Variants in FAT3 observed in about 807,000 individuals in gnomAD.
FAT3 encodes the protein protocadherin Fat 3.
Under a neutral mutation model 310.2 loss-of-function variants are expected in FAT3, and 95 were observed. The ratio of observed to expected loss-of-function variants is 0.31; its 90% CI spans 0.26 to 0.36. The LOEUF (loss-of-function observed/expected upper bound fraction) is 0.36. Ranked by LOEUF, FAT3 falls within the 10% of genes least tolerant of loss-of-function variation. The pLI is 1.00. For missense variants in FAT3, 5,408 were observed against 5,715.6 expected, an observed-to-expected ratio of 0.95 and a Z score of 1.74; for synonymous variants, 2,314 against 2,192.9, an observed-to-expected ratio of 1.06 and a Z score of -1.54.
At chr11:92,814,226 A>G (rs2136220984) in intron 13 of FAT3, among the ~76,000 whole-genome samples, 1 of 152,344 alleles carries the variant, frequency 6.6e-6, no homozygotes, top group South Asian at 2.1e-4. Context: ...GATTGACTAC[A>G]AAATATACCG....
At chr11:92,562,323 C>T (rs991138674) in intron 3 of FAT3, among the ~76,000 whole-genome samples, 3 of 151,964 alleles carry the variant, frequency 2.0e-5, no homozygotes, top group East Asian at 2.0e-4. Context: ...TCTTCTCTCT[C>T]TCTTTCTCTA....
In FAT3 at chr11:92,352,872, G is replaced by A; in HGVS notation, c.760G>A (p.Val254Ile). Residue 254 changes from valine to isoleucine, a missense_variant, in exon 2 of 28, where the codon GTT (valine) becomes ATT (isoleucine). Transcript: ENST00000525166. ...NGVSSTAKLY[V>I]HIERINEHAP... Reference sequence around the variant, plus strand: ...AGTGAGCAGTACTGCAAAGCTTTATGTTCACATTGAGCGCATAAATGAACA... The same window carrying A: ...AGTGAGCAGTACTGCAAAGCTTTATATTCACATTGAGCGCATAAATGAACA... 6.2e-7 allele frequency: 1 copy of A among 1,613,886 alleles called. No homozygotes were observed.
chr11:92,634,079 G>A lies in FAT3; in HGVS notation c.3608-63305G>A, dbSNP rs576809621. On this transcript the variant is annotated intron_variant, in intron 3 of 27. Coordinates refer to ENST00000525166, the MANE Select transcript of FAT3 (RefSeq NM_001367949.2). ...TGTCCACTGCTGACTAGAAGGTTATGTTATAAGCAGCGATCTTCTAGACTA... is the reference window on the plus strand; with the variant it reads ...TGTCCACTGCTGACTAGAAGGTTATATTATAAGCAGCGATCTTCTAGACTA... Among the ~76,000 whole-genome samples, 6 of 152,312 alleles carry A rather than the reference G, an allele frequency of 3.9e-5. No individual in the cohort carries two copies. The East Asian group carries it at 1.2e-3, about 29-fold the overall frequency.
chr11:92,534,505 G>C (rs1324104756), intron 3 of FAT3, among the ~76,000 whole-genome samples: 2 of 152,148 alleles, frequency 1.3e-5, no homozygotes, highest in African/African-American at 4.8e-5. Context: ...TGTTTTATAG[G>C]TGTGTTAGGG....
intron 1 of FAT3, among the ~76,000 whole-genome samples, chr11:92,313,199 G>A (rs1248366692): frequency 2.6e-5 from 4 of 152,122 alleles, no homozygotes; most frequent in African/African-American, 9.7e-5. Context: ...AGAAACACTA[G>A]GTAAATGCAG....
At position 92,800,664 on chromosome 11, in the gene FAT3, C is replaced by G; in HGVS notation, c.7651C>G (p.Gln2551Glu). Residue 2551 changes from glutamine (Q) to glutamate (E), a missense_variant, in exon 10 of 28, where the codon CAG (glutamine) becomes GAG (glutamate). By Grantham distance (29) the Gln-to-Glu change is conservative (BLOSUM62 2). Coordinates refer to ENST00000525166, the MANE Select transcript of FAT3 (RefSeq NM_001367949.2). The stretch of plus-strand genomic sequence containing the variant: ...TCGATTCCTCATAGACAGCAATGGG[C>G]AGGTCATCACCACAGAAAGGCTAGA... ...KDRFLIDSNG[Q>E]VITTERLDRE... is the part of the protein sequence containing the mutation. 6.2e-7 allele frequency: 1 copy of G among 1,613,714 alleles called. No individual in the cohort carries two copies. The highest frequency in any genetic ancestry group is 8.5e-7 in the Non-Finnish European group (1 of 1,179,810).
intron 3 of FAT3, among the ~76,000 whole-genome samples, chr11:92,650,285 A>G (rs893954134): frequency 6.6e-6 from 1 of 152,072 alleles, no homozygotes. Flanking sequence ...ACAAGATCTT[A>G]ACTTCCTGAT....
chr11:92,364,011 G>C (rs916625844), intron 2 of FAT3, among the ~76,000 whole-genome samples: 2 of 151,900 alleles, frequency 1.3e-5, no homozygotes, highest in African/African-American at 4.8e-5. Flanking sequence ...GGGCAATTTA[G>C]GTTTTAATAG....
intron 2 of FAT3, among the ~76,000 whole-genome samples, chr11:92,419,948 A>G (rs1002072966): frequency 1.3e-5 from 2 of 152,190 alleles, no homozygotes; most frequent in Non-Finnish European, 2.9e-5. Flanking sequence ...TTTGGTTTAT[A>G]TAAGAAATCA....
chr11:92,696,029 TGTAGGTGATG>T (rs1239861769), intron 3 of FAT3, among the ~76,000 whole-genome samples: 1 of 152,200 alleles, frequency 6.6e-6, no homozygotes, highest in Non-Finnish European at 1.5e-5. Flanking sequence ...TGATAAGTAT[TGTAGGTGATG>T]GATATGTTAA....
At chr11:92,771,019 T>C (rs1946442543) in intron 6 of FAT3, among the ~76,000 whole-genome samples, 1 of 152,178 alleles carries the variant, frequency 6.6e-6, no homozygotes, top group South Asian at 2.1e-4. Context: ...CTGATGTGAA[T>C]TATCTGTTAT....
chr11:92,487,436 A>G (rs1305516896), intron 2 of FAT3, among the ~76,000 whole-genome samples: 2 of 152,122 alleles, frequency 1.3e-5, no homozygotes, highest in African/African-American at 4.8e-5. Flanking sequence ...ATATTGTCTG[A>G]TCTAATCTCA....
chr11:92,628,822 G>A (rs983993586), intron 3 of FAT3, among the ~76,000 whole-genome samples: 2 of 152,200 alleles, frequency 1.3e-5, no homozygotes, highest in Non-Finnish European at 2.9e-5. Flanking sequence ...TATTTAAGGT[G>A]ATGACTTGGC....
chr11:92,617,984 G>A (rs1348494675), intron 3 of FAT3, among the ~76,000 whole-genome samples: 2 of 152,182 alleles, frequency 1.3e-5, no homozygotes, highest in Non-Finnish European at 2.9e-5. Flanking sequence ...ACTCCATGCT[G>A]GGAGAACCAC....
chr11:92,615,986 A>G (rs1293597027), intron 3 of FAT3, among the ~76,000 whole-genome samples: 4 of 152,192 alleles, frequency 2.6e-5, no homozygotes, highest in South Asian at 2.1e-4. Flanking sequence ...GTAGATGTCT[A>G]TTAGGTCCAC....
chr11:92,629,411 CTTTT>C (rs34017336), intron 3 of FAT3, among the ~76,000 whole-genome samples: 3 of 126,050 alleles, frequency 2.4e-5, no homozygotes, highest in African/African-American at 6.4e-5. Context: ...CTTCCCCTAC[CTTTT>C]TTTTTTTTTT....
chr11:92,445,675 G>A (rs1055060545), intron 2 of FAT3, among the ~76,000 whole-genome samples: 1 of 152,106 alleles, frequency 6.6e-6, no homozygotes, highest in African/African-American at 2.4e-5. Flanking sequence ...GTGTATATAT[G>A]TGTGTATGCA....
chr11:92,804,230 T>C (rs1362514244), intron 10 of FAT3, among the ~76,000 whole-genome samples: 1 of 152,054 alleles, frequency 6.6e-6, no homozygotes, highest in Non-Finnish European at 1.5e-5. Context: ...TGGCCCAGGG[T>C]ATATGATAAA....
At chr11:92,667,546 C>G (rs1287515699) in intron 3 of FAT3, among the ~76,000 whole-genome samples, 50 of 152,182 alleles carry the variant, frequency 3.3e-4, no homozygotes, top group Admixed American at 3.3e-3. Context: ...AAGTTTGAAG[C>G]CAGAGTGCTG....
Sources: gnomAD v4.1 joint callset for allele counts (sites outside exome capture counted in the v4.1 genomes callset) on GRCh38, gnomAD v4.1.1 for gene constraint, MANE v1.5 for transcripts, NCBI Gene and HGNC (gene_info 2026-07-23, HGNC 2026-07-21) for gene names.